Variants in LDB2 observed in about 807,000 individuals in gnomAD.
The protein encoded by LDB2 is LIM domain binding 2.
In LDB2, 12 loss-of-function variants were observed where a neutral mutation model predicts 44.3. That is an observed-to-expected ratio of 0.27 (90% CI 0.17 to 0.44). The LOEUF is 0.44. LDB2 is among the 20% of genes least tolerant of loss of function. The pLI is 1.00. For missense variants in LDB2, 344 were observed against 473.5 expected (o/e 0.73, Z 2.54); for synonymous variants, 164 against 174.8 (o/e 0.94, Z 0.49).
At chr4:16,797,696 C>T (rs1264793329) in intron 1 of LDB2, among the ~76,000 whole-genome samples, 2 of 151,842 alleles carry the variant, frequency 1.3e-5, no homozygotes, top group African/African-American at 4.8e-5. Context: ...TAACTTTATC[C>T]CGTGAGCCAG....
At position 16,609,112 on chromosome 4, in the gene LDB2, C is replaced by A. The variant is rs118077558; in HGVS notation, c.236-13237G>T. Reference sequence around the variant, plus strand: ...GACCCATGGAGAGAAGGAAGAACAGCGCGGGGCAGTGGCCTACCTGAGGGC... The same window carrying A: ...GACCCATGGAGAGAAGGAAGAACAGAGCGGGGCAGTGGCCTACCTGAGGGC... On this transcript the variant is annotated intron_variant, in intron 2 of 7. Transcript: ENST00000304523. Among the ~76,000 whole-genome samples the A allele has an allele frequency of 3.8e-3, 578 of 152,228 alleles. 10 individuals are homozygous for A. The highest frequency in any genetic ancestry group is 0.027 in the Admixed American group (420 of 15,286).
Position 16,502,400 on chromosome 4 carries a change from A to G in LDB2, c.*243T>C, listed in dbSNP as rs538815129. 4.6e-5 allele frequency: 23 copies of G among 504,700 alleles called. No homozygotes were observed. Among genetic ancestry groups the G allele is most frequent in the African/African-American group, 4.0e-4 (21 of 52,686 alleles). 31.3% of individuals were successfully genotyped at this position (504,700 alleles called of 1,614,324 possible). ...AGAGTTTTCTCTCATTTTAATTACAATCAGTGCCAGTATCTGTATTACCTG... is the reference window on the plus strand; with the variant it reads ...AGAGTTTTCTCTCATTTTAATTACAGTCAGTGCCAGTATCTGTATTACCTG... On this transcript the variant is annotated 3_prime_UTR_variant, in exon 8 of 8. Transcript: ENST00000304523.
chr4:16,716,425 G>A (rs1757090929), intron 2 of LDB2, among the ~76,000 whole-genome samples: 1 of 152,190 alleles, frequency 6.6e-6, no homozygotes, highest in African/African-American at 2.4e-5. Flanking sequence ...TGGAGAAGGA[G>A]GTTTGTAGAA....
At chr4:16,617,745 G>A (rs540240761) in intron 2 of LDB2, among the ~76,000 whole-genome samples, 5 of 152,298 alleles carry the variant, frequency 3.3e-5, no homozygotes, top group South Asian at 2.1e-4. Context: ...AAAGAAGTAT[G>A]CAGAAGAAGA....
chr4:16,518,139 T>C (rs1724556005), intron 5 of LDB2, among the ~76,000 whole-genome samples: 1 of 152,208 alleles, frequency 6.6e-6, no homozygotes, highest in Non-Finnish European at 1.5e-5. Context: ...CCTTTTCATA[T>C]TAACAGAGGA....
chr4:16,546,472 T>C (rs1390023613), intron 5 of LDB2, among the ~76,000 whole-genome samples: 1 of 152,230 alleles, frequency 6.6e-6, no homozygotes, highest in African/African-American at 2.4e-5. Context: ...AAGAAATTAA[T>C]GTGAAGTGCA....
At chr4:16,856,188 A>C (rs1399356445) in intron 1 of LDB2, among the ~76,000 whole-genome samples, 1 of 152,184 alleles carries the variant, frequency 6.6e-6, no homozygotes, top group Non-Finnish European at 1.5e-5. Context: ...CAAACCTTTG[A>C]AACAATGCCG....
intron 7 of LDB2, chr4:16,506,245 T>G: frequency 2.7e-6 from 1 of 367,820 alleles, no homozygotes. Context: ...CCAGGACACA[T>G]ATGAATTTGT....
intron 5 of LDB2, among the ~76,000 whole-genome samples, chr4:16,539,827 C>T (rs1733141560): frequency 6.6e-6 from 1 of 152,128 alleles, no homozygotes; most frequent in Non-Finnish European, 1.5e-5. Context: ...CCTACATTTC[C>T]AAGCCATCCT....
chr4:16,795,132 C>T (rs1242637508), intron 1 of LDB2, among the ~76,000 whole-genome samples: 1 of 152,114 alleles, frequency 6.6e-6, no homozygotes. Context: ...AGCACATAAC[C>T]TTTACCCAAG....
chr4:16,821,432 G>A (rs1405300630), intron 1 of LDB2, among the ~76,000 whole-genome samples: 4 of 148,172 alleles, frequency 2.7e-5, no homozygotes, highest in East Asian at 2.0e-4. Context: ...CGCCCAGGCT[G>A]GAGTGCAGTG....
chr4:16,717,187 A>AATAATAATAATAATGATG lies in LDB2; in HGVS notation c.235+41970_235+41971insCATCATTATTATTATTAT, dbSNP rs56204510. 2.5e-3 allele frequency among the ~76,000 whole-genome samples: 362 copies of AATAATAATAATAATGATG among 146,928 alleles called. 3 individuals are homozygous for AATAATAATAATAATGATG. Among genetic ancestry groups the AATAATAATAATAATGATG allele is most frequent in the African/African-American group, 8.4e-3 (339 of 40,422 alleles). On this transcript the variant is annotated intron_variant, in intron 2 of 7. Coordinates refer to ENST00000304523, the MANE Select transcript of LDB2 (RefSeq NM_001290.5). ...TAATAATAATAATAATAATAATAATAATGATGATGAGGAGGACTACATTTA... is the reference window on the plus strand; with the variant it reads ...TAATAATAATAATAATAATAATAATAATAATAATAATAATGATGATGATGATGAGGAGGACTACATTTA...
At chr4:16,683,040 T>C (rs1322555486) in intron 2 of LDB2, among the ~76,000 whole-genome samples, 1 of 152,202 alleles carries the variant, frequency 6.6e-6, no homozygotes, top group Non-Finnish European at 1.5e-5. Flanking sequence ...ACTAATGCAG[T>C]TTTTCAGCCT....
At chr4:16,800,667 T>C (rs1185455045) in intron 1 of LDB2, among the ~76,000 whole-genome samples, 2 of 152,130 alleles carry the variant, frequency 1.3e-5, no homozygotes, top group Non-Finnish European at 2.9e-5. Context: ...GACGTTTCTT[T>C]GTTTTTGTTT....
chr4:16,851,902 G>C (rs1204736878), intron 1 of LDB2, among the ~76,000 whole-genome samples: 1 of 152,226 alleles, frequency 6.6e-6, no homozygotes, highest in African/African-American at 2.4e-5. Context: ...TGAGCCACAA[G>C]GTGGACAAGT....
chr4:16,575,408 G>C (rs1011555896), intron 5 of LDB2, among the ~76,000 whole-genome samples: 1 of 152,182 alleles, frequency 6.6e-6, no homozygotes, highest in African/African-American at 2.4e-5. Flanking sequence ...CAGACAGAGA[G>C]TCAGTAAGGA....
rs370430383 is a variant in LDB2 at position 16,660,564 on chromosome 4, G to GCAAA, written c.236-64690_236-64689insTTTG. 1.9e-3 allele frequency among the ~76,000 whole-genome samples: 286 copies of GCAAA among 152,264 alleles called. 2 individuals carry two copies. Among genetic ancestry groups the GCAAA allele is most frequent in the African/African-American group, 6.6e-3 (273 of 41,574 alleles). Reference sequence around the variant, plus strand: ...CCTTTCTCATTTATTCATTTCTTCAGCATTTACTGTGCGCCTACTACATGC... The same window carrying GCAAA: ...CCTTTCTCATTTATTCATTTCTTCAGCAAACATTTACTGTGCGCCTACTACATGC... On this transcript the variant is annotated intron_variant, in intron 2 of 7. Coordinates refer to ENST00000304523, the MANE Select transcript of LDB2 (RefSeq NM_001290.5).
rs150094249 is a variant in LDB2, at chr4:16,678,845, C to T, written c.235+80313G>A. ...AATCTCACTTAATCCACTCATCTAA[C>T]AACCTATTTTCCCACCTAGACTTCA... On this transcript the variant is annotated intron_variant, in intron 2 of 7. Coordinates refer to ENST00000304523, the MANE Select transcript of LDB2 (RefSeq NM_001290.5). Among the ~76,000 whole-genome samples, 631 of 152,276 alleles carry T rather than the reference C, an allele frequency of 4.1e-3. 5 individuals carry two copies. Among genetic ancestry groups the T allele is most frequent in the African/African-American group, 0.014 (585 of 41,558 alleles).
chr4:16,716,546 T>C (rs1757111881), intron 2 of LDB2, among the ~76,000 whole-genome samples: 1 of 152,182 alleles, frequency 6.6e-6, no homozygotes, highest in African/African-American at 2.4e-5. Flanking sequence ...AAATAAACTT[T>C]CGTCACCAAT....
Sources: allele counts gnomAD v4.1 joint callset (sites outside exome capture counted in the v4.1 genomes callset), GRCh38; gene constraint gnomAD v4.1.1; transcripts MANE v1.5; gene names NCBI Gene and HGNC (gene_info 2026-07-23, HGNC 2026-07-21).